Variants in SPRED2 observed in about 807,000 individuals in gnomAD.
SPRED2 encodes sprouty related EVH1 domain containing 2.
SPRED2 carries 47 observed loss-of-function variants against 43.0 expected under a neutral mutation model. The observed-to-expected ratio is 1.09, with a 90% confidence interval of 0.87 to 1.40. SPRED2 has a LOEUF of 1.40. SPRED2 is among the 40% of genes most tolerant of loss of function. SPRED2 has a pLI of 0.00. For missense variants in SPRED2, 561 were observed against 586.4 expected (o/e 0.96, Z 0.45); for synonymous variants, 225 against 225.7 (o/e 1.00, Z 0.03).
chr2:65,430,580 C>T (rs1015152033), intron 1 of SPRED2, among the ~76,000 whole-genome samples: 1 of 152,212 alleles, frequency 6.6e-6, no homozygotes, highest in Non-Finnish European at 1.5e-5. Context: ...AGTCACTTCC[C>T]CTCCCAGCAC....
chr2:65,361,214 T>C (rs996152975), intron 1 of SPRED2, among the ~76,000 whole-genome samples: 14 of 152,326 alleles, frequency 9.2e-5, no homozygotes, highest in Middle Eastern at 6.8e-3. Context: ...TTAATAAATA[T>C]GCAAGACCTT....
chr2:65,387,023 A>G (rs1675518519), intron 1 of SPRED2, among the ~76,000 whole-genome samples: 1 of 151,692 alleles, frequency 6.6e-6, no homozygotes, highest in African/African-American at 2.4e-5. Context: ...AATGTTATAG[A>G]AAAACACTTC....
At position 65,431,956 on chromosome 2, in the gene SPRED2, AC is replaced by A; in HGVS notation, c.26+5del. On this transcript the variant is annotated splice_donor_5th_base_variant and intron_variant, in intron 1 of 5. Transcript: ENST00000356388. ...CACCCTCGTCCCACCCCGCGACCAAACTTACTCGTCTGGGTGTGTTTCTTCG... is the reference window on the plus strand; with the variant it reads ...CACCCTCGTCCCACCCCGCGACCAAATTACTCGTCTGGGTGTGTTTCTTCG... 1 of 1,613,718 alleles carries A rather than the reference AC, an allele frequency of 6.2e-7. No individual in the cohort carries two copies. Among genetic ancestry groups the A allele is most frequent in the Non-Finnish European group, 8.5e-7 (1 of 1,179,910 alleles).
intron 1 of SPRED2, among the ~76,000 whole-genome samples, chr2:65,417,268 CT>C (rs1204612225): frequency 2.6e-5 from 4 of 152,192 alleles, no homozygotes; most frequent in Non-Finnish European, 5.9e-5. Context: ...AAACATTTTT[CT>C]GGTGCCCAGG....
chr2:65,311,391 A>C lies in SPRED2; in HGVS notation c.*2110T>G, dbSNP rs1308910669. ...AGGGTGGAAAAGGACAAGGGGTGAAAGAAGAGAGAAACAGGTAACAACTAA... is the reference window on the plus strand; with the variant it reads ...AGGGTGGAAAAGGACAAGGGGTGAACGAAGAGAGAAACAGGTAACAACTAA... On this transcript the variant is annotated 3_prime_UTR_variant, in exon 6 of 6. Transcript: ENST00000356388. 1.0e-6 allele frequency: 1 copy of C among 985,820 alleles called. No individual in the cohort carries two copies. The highest frequency in any genetic ancestry group is 1.2e-6 in the Non-Finnish European group (1 of 829,962). The allele number at this position is 985,820 out of a possible 1,614,324, so 61.1% of individuals were successfully genotyped here.
chr2:65,401,673 G>A (rs1474003940), intron 1 of SPRED2, among the ~76,000 whole-genome samples: 13 of 151,880 alleles, frequency 8.6e-5, no homozygotes, highest in Admixed American at 7.9e-4. Context: ...TGGCGGGCGC[G>A]CCTGTAGTCC....
chr2:65,344,746 G>A lies in SPRED2; in HGVS notation c.177C>T (p.Ile59=), dbSNP rs199748992. 3 of 1,614,164 alleles carry A rather than the reference G, an allele frequency of 1.9e-6. No homozygotes were observed. In the East Asian group the frequency reaches 6.7e-5, roughly 36 times the overall value. ...GTTTGTCTTTCTGTCGTTCACCATG[G>A]ATGAGAAAGCCGCTTCGTCCATTGC... ...PEGNGRSGFL[I]HGERQKDKLV... is the part of the protein sequence containing the mutation. Residue 59 remains isoleucine, a synonymous_variant, in exon 2 of 6, where the codon ATC becomes ATT. Coordinates refer to ENST00000356388, the MANE Select transcript of SPRED2 (RefSeq NM_181784.3).
chr2:65,338,902 T>C (rs867606762), intron 2 of SPRED2, among the ~76,000 whole-genome samples: 4 of 151,864 alleles, frequency 2.6e-5, no homozygotes, highest in Middle Eastern at 3.4e-3. Flanking sequence ...GGAGCGTCTC[T>C]GCCCGGCAGC....
intron 1 of SPRED2, among the ~76,000 whole-genome samples, chr2:65,362,825 T>G (rs1674855995): frequency 6.8e-6 from 1 of 146,076 alleles, no homozygotes. Flanking sequence ...GCCATTGCAC[T>G]CCAGCCTGGG....
chr2:65,314,388 G>T (rs1421192609), intron 5 of SPRED2, among the ~76,000 whole-genome samples: 7 of 152,168 alleles, frequency 4.6e-5, no homozygotes, highest in Admixed American at 3.9e-4. Context: ...CCATTAATGG[G>T]CCAGGAAATC....
intron 2 of SPRED2, among the ~76,000 whole-genome samples, chr2:65,339,148 A>C (rs191373758): frequency 0.028 from 2,193 of 77,042 alleles, 89 homozygotes; most frequent in African/African-American, 0.14. Context: ...CCAGGAGCTG[A>C]GGGGCGCCTC....
At chr2:65,354,001 G>A (rs1674579002) in intron 1 of SPRED2, among the ~76,000 whole-genome samples, 1 of 152,122 alleles carries the variant, frequency 6.6e-6, no homozygotes. Context: ...TTCCTGCTGT[G>A]TCCTGTGACC....
chr2:65,331,705 T>G (rs577885455), intron 4 of SPRED2, among the ~76,000 whole-genome samples: 21 of 152,282 alleles, frequency 1.4e-4, no homozygotes, highest in Admixed American at 1.2e-3. Context: ...GGGCAGCTGG[T>G]CATCCTAAAT....
intron 1 of SPRED2, among the ~76,000 whole-genome samples, chr2:65,398,146 C>A (rs1675800487): frequency 6.6e-6 from 1 of 152,154 alleles, no homozygotes; most frequent in Admixed American, 6.5e-5. Flanking sequence ...AAAAAGAACA[C>A]CCTATTCAAC....
chr2:65,352,283 A>G (rs1228804195), intron 1 of SPRED2, among the ~76,000 whole-genome samples: 1 of 152,254 alleles, frequency 6.6e-6, no homozygotes, highest in East Asian at 1.9e-4. Context: ...TTTGTTTCAT[A>G]AAGAGAACCA....
intron 1 of SPRED2, among the ~76,000 whole-genome samples, chr2:65,357,088 C>G (rs1407403901): frequency 6.6e-6 from 1 of 152,184 alleles, no homozygotes; most frequent in Non-Finnish European, 1.5e-5. Flanking sequence ...ATCATGCTAG[C>G]AATAAGCTGA....
chr2:65,340,722 T>C (rs1674151561), intron 2 of SPRED2, among the ~76,000 whole-genome samples: 1 of 152,200 alleles, frequency 6.6e-6, no homozygotes, highest in African/African-American at 2.4e-5. Context: ...GCCCTCAATA[T>C]GTAACGAAAC....
At chr2:65,349,578 T>G (rs1674449584) in intron 1 of SPRED2, among the ~76,000 whole-genome samples, 1 of 152,268 alleles carries the variant, frequency 6.6e-6, no homozygotes, top group Non-Finnish European at 1.5e-5. Context: ...TAAAACATGC[T>G]TTCACTTTTT....
At chr2:65,334,890 T>G in intron 2 of SPRED2, 117 bp from the exon 3 acceptor site, 1 of 985,302 alleles carries the variant, frequency 1.0e-6, no homozygotes, top group Non-Finnish European at 1.6e-6. Flanking sequence ...CTCTAACCCC[T>G]GCCTTCACAT....
Sources: gnomAD v4.1 joint callset for allele counts (sites outside exome capture counted in the v4.1 genomes callset) on GRCh38, gnomAD v4.1.1 for gene constraint, MANE v1.5 for transcripts, NCBI Gene and HGNC (gene_info 2026-07-23, HGNC 2026-07-21) for gene names.